The following GSDME variants were observed in gnomAD, a reference collection of about 807,000 sequenced individuals.
GSDME encodes gasdermin-E.
Under a neutral mutation model 47.5 loss-of-function variants are expected in GSDME, and 44 were observed. The observed-to-expected ratio is 0.93, with a 90% CI of 0.73 to 1.19. The LOEUF (loss-of-function observed/expected upper bound fraction) is 1.19. GSDME is among the 50% of genes most tolerant of loss of function. GSDME has a pLI of 0.00. For synonymous variants in GSDME, 258 were observed against 252.8 expected, an observed-to-expected ratio of 1.02 and a Z score of -0.20; for missense variants, 663 against 604.2, an observed-to-expected ratio of 1.10 and a Z score of -1.02.
At chr7:24,792,241 G>C in the GSDME span, among the ~76,000 whole-genome samples, 3 of 152,190 alleles carry the variant, frequency 2.0e-5, no homozygotes, top group Non-Finnish European at 2.9e-5. Flanking sequence ...CTAATAAAAT[G>C]AATGTATGGT....
Position 24,739,116 on chromosome 7 carries a change from G to T in GSDME, c.404+5446C>A, listed in dbSNP as rs780306662. On this transcript the variant is annotated intron_variant, in intron 3 of 9. Transcript: ENST00000645220. This position sits in a 1 kb window ranked among gnomAD's most constrained non-coding sequence, Gnocchi z 5.1. The stretch of plus-strand genomic sequence containing the variant: ...CATCCCACAGACACGAACCACTAAA[G>T]CAAAAATGGACAAATGGAATCATAT... Among the ~76,000 whole-genome samples the T allele has an allele frequency of 6.6e-6, 1 of 152,022 alleles. No homozygotes were observed. Among genetic ancestry groups the T allele is most frequent in the Non-Finnish European group, 1.5e-5 (1 of 67,994 alleles).
In GSDME at chr7:24,728,308, C is replaced by T. The variant is rs890156817; in HGVS notation, c.405-9090G>A. ...ACAGATGGCGGCTGCCACAGGGGCC[C>T]ACAGAGCCACCGAACTGACCTTCTG... On this transcript the variant is annotated intron_variant, in intron 3 of 9. Transcript: ENST00000645220. This position sits in a 1 kb window ranked among gnomAD's most constrained non-coding sequence, Gnocchi z 7.2. 3.9e-5 allele frequency among the ~76,000 whole-genome samples: 6 copies of T among 152,176 alleles called. No homozygotes were observed. Among genetic ancestry groups the T allele is most frequent in the African/African-American group, 1.4e-4 (6 of 41,440 alleles).
intron 8 of GSDME, chr7:24,704,593 G>GA (rs1380710663): frequency 2.6e-5 from 4 of 152,214 alleles, no homozygotes; most frequent in Non-Finnish European, 5.9e-5. Context: ...AGGATTGGTT[G>GA]AAAAATTTAG....
chr7:24,747,891 C>T (rs1440472874), intron 2 of GSDME, among the ~76,000 whole-genome samples: 2 of 151,974 alleles, frequency 1.3e-5, no homozygotes, highest in Non-Finnish European at 2.9e-5. Context: ...TAGCCTCAAA[C>T]TCCTGGGCTC....
upstream of GSDME, chr7:24,757,661 C>G (rs1791088437): frequency 6.6e-6 from 1 of 152,252 alleles, no homozygotes; most frequent in African/African-American, 2.4e-5. The surrounding 1 kb of genome is among the most constrained non-coding windows in gnomAD (Gnocchi z 5.9). Context: ...GGGTTGCTGA[C>G]GGCCCAGCGC....
chr7:24,795,252 T>TC, the GSDME span, among the ~76,000 whole-genome samples: 1 of 151,764 alleles, frequency 6.6e-6, no homozygotes, highest in East Asian at 1.9e-4. Flanking sequence ...CCGGCAGGAG[T>TC]CCCCCGCAGG....
chr7:24,779,496 A>AT, the GSDME span, among the ~76,000 whole-genome samples: 1 of 70,708 alleles, frequency 1.4e-5, no homozygotes, highest in African/African-American at 5.9e-5. This position sits in a 1 kb window ranked among gnomAD's most constrained non-coding sequence, Gnocchi z 6.0. Flanking sequence ...GAAGTGATAC[A>AT]TGGTGTGTGT....
rs1790203840 is a variant in GSDME, at chr7:24,733,340, G to A, written c.404+11222C>T. 6.6e-6 allele frequency among the ~76,000 whole-genome samples: 1 copy of A among 152,028 alleles called. No homozygotes were observed. The highest frequency in any genetic ancestry group is 1.5e-5 in the Non-Finnish European group (1 of 68,010). ...TGCTGACCCAGCTGTGGTCAGGTGT[G>A]ACTCGGCACTTTCACAGCTGTGCTG... On this transcript the variant is annotated intron_variant, in intron 3 of 9. Transcript: ENST00000645220. The surrounding 1 kb of genome is among the most constrained non-coding windows in gnomAD (Gnocchi z 4.3).
chr7:24,737,098 T>C (rs1432288200), intron 3 of GSDME, among the ~76,000 whole-genome samples: 2 of 151,678 alleles, frequency 1.3e-5, no homozygotes, highest in Non-Finnish European at 2.9e-5. Context: ...CTTAAAGAAC[T>C]AGAAAATCAA....
At chr7:24,766,540 G>A in the GSDME span, among the ~76,000 whole-genome samples, 2 of 152,102 alleles carry the variant, frequency 1.3e-5, no homozygotes, top group Non-Finnish European at 2.9e-5. This position sits in a 1 kb window ranked among gnomAD's most constrained non-coding sequence, Gnocchi z 4.2. Flanking sequence ...ACTTATGAGT[G>A]AGAACATGTG....
Position 24,754,683 on chromosome 7 carries a change from A to G in GSDME, c.-20+2713T>C, listed in dbSNP as rs1790961749. Among the ~76,000 whole-genome samples the G allele has an allele frequency of 6.6e-6, 1 of 152,196 alleles. No individual in the cohort carries two copies. Among genetic ancestry groups the G allele is most frequent in the Non-Finnish European group, 1.5e-5 (1 of 68,038 alleles). The stretch of plus-strand genomic sequence containing the variant: ...ACAAAGTTAGCAAAGCACACAGCCA[A>G]CTGGAGCCACTGGGAACAAAGAATC... On this transcript the variant is annotated intron_variant, in intron 1 of 9. Coordinates refer to ENST00000645220, the MANE Select transcript of GSDME (RefSeq NM_001127453.2). The surrounding 1 kb of genome is among the most constrained non-coding windows in gnomAD (Gnocchi z 5.0).
At position 24,735,382 on chromosome 7, in the gene GSDME, AGACT is replaced by A. The variant is rs1351218087; in HGVS notation, c.404+9176_404+9179del. On this transcript the variant is annotated intron_variant, in intron 3 of 9. Coordinates refer to ENST00000645220, the MANE Select transcript of GSDME (RefSeq NM_001127453.2). This position sits in a 1 kb window ranked among gnomAD's most constrained non-coding sequence, Gnocchi z 4.4. Reference sequence around the variant, plus strand: ...ACTTGTAAGTACACAGAAAAAACACAGACTATTATAACACTGTCACTGTGGTATG... The same window carrying A: ...ACTTGTAAGTACACAGAAAAAACACAATTATAACACTGTCACTGTGGTATG... 6.6e-6 allele frequency among the ~76,000 whole-genome samples: 1 copy of A among 152,220 alleles called. No homozygotes were observed. Among genetic ancestry groups the A allele is most frequent in the Non-Finnish European group, 1.5e-5 (1 of 68,040 alleles).
rs1451840558 is a variant in GSDME, at chr7:24,744,385, G to C, written c.404+177C>G. On this transcript the variant is annotated intron_variant, in intron 3 of 9. Coordinates refer to ENST00000645220, the MANE Select transcript of GSDME (RefSeq NM_001127453.2). This position sits in a 1 kb window ranked among gnomAD's most constrained non-coding sequence, Gnocchi z 4.5. ...TCTCCCCCCACTCAGGCTAAGAACA[G>C]TCAAGCAATTCCAGACTAAAGAATG... 1 of 736,310 alleles carries C rather than the reference G, an allele frequency of 1.4e-6. No homozygotes were observed. 45.6% of individuals were successfully genotyped at this position (736,310 alleles called of 1,614,324 possible).
At chr7:24,707,624 A>C (rs1789167057) in intron 7 of GSDME, 1 of 356,878 alleles carries the variant, frequency 2.8e-6, no homozygotes, top group Admixed American at 3.7e-5. Flanking sequence ...AGATCATCCT[A>C]GATTGGGGTG....
chr7:24,781,928 T>C, the GSDME span, among the ~76,000 whole-genome samples: 20 of 152,086 alleles, frequency 1.3e-4, no homozygotes, highest in Non-Finnish European at 4.4e-5. Flanking sequence ...TTGTTTTCTG[T>C]AGAAAGGATG....
the GSDME span, among the ~76,000 whole-genome samples, chr7:24,788,056 T>C: frequency 1.3e-5 from 2 of 152,182 alleles, no homozygotes; most frequent in Non-Finnish European, 2.9e-5. This position sits in a 1 kb window ranked among gnomAD's most constrained non-coding sequence, Gnocchi z 4.6. Context: ...GTAAAATAAA[T>C]GGGAGCCAAA....
At position 24,726,094 on chromosome 7, in the gene GSDME, G is replaced by C. The variant is rs1562702219; in HGVS notation, c.405-6876C>G. On this transcript the variant is annotated intron_variant, in intron 3 of 9. Transcript: ENST00000645220. The surrounding 1 kb of genome is among the most constrained non-coding windows in gnomAD (Gnocchi z 5.6). ...AGCCCAGCGTGGTTGCTGGGGACCA[G>C]AGCAGCCCAGCAGGAAGGGAGGCTC... Among the ~76,000 whole-genome samples the C allele has an allele frequency of 6.6e-6, 1 of 152,162 alleles. No individual in the cohort carries two copies. The highest frequency in any genetic ancestry group is 2.4e-5 in the African/African-American group (1 of 41,436).
At chr7:24,755,181 T>TC (rs1354151064) in intron 1 of GSDME, among the ~76,000 whole-genome samples, 22 of 152,196 alleles carry the variant, frequency 1.4e-4, no homozygotes, top group African/African-American at 3.9e-4. Context: ...GCACAGAGCA[T>TC]CAACATCAGG....
At chr7:24,700,816 G>C (rs768283990) in intron 9 of GSDME, among the ~76,000 whole-genome samples, 4 of 152,168 alleles carry the variant, frequency 2.6e-5, no homozygotes, top group Non-Finnish European at 5.9e-5. Context: ...CCCCACTGGC[G>C]CAGGCTGGAG....
Sources: gnomAD v4.1 joint callset for allele counts (sites outside exome capture counted in the v4.1 genomes callset) on GRCh38, gnomAD v4.1.1 for gene constraint, Gnocchi (gnomAD v3.1) non-coding constraint, MANE v1.5 for transcripts, NCBI Gene and HGNC (gene_info 2026-07-23, HGNC 2026-07-21) for gene names.